DLGAP1: variants seen among roughly 807,000 people sequenced by gnomAD.
DLGAP1 encodes disks large-associated protein 1.
A neutral mutation model predicts 90.8 loss-of-function variants in DLGAP1; 11 were observed. That is an observed-to-expected ratio of 0.12 (90% CI 0.08 to 0.20). The LOEUF is 0.20. Among genes scored for constraint, DLGAP1 ranks in the 10% least tolerant of loss-of-function variants. DLGAP1 has a pLI of 1.00. For synonymous variants in DLGAP1, 558 were observed against 540.7 expected, an observed-to-expected ratio of 1.03 and a Z score of -0.44; for missense variants, 1,050 against 1,333.8, an observed-to-expected ratio of 0.79 and a Z score of 3.31.
intron 4 of DLGAP1, among the ~76,000 whole-genome samples, chr18:3,850,676 A>C (rs2069286619): frequency 6.6e-6 from 1 of 152,210 alleles, no homozygotes; most frequent in African/African-American, 2.4e-5. Flanking sequence ...TTCTGTATAT[A>C]GTAGCATGAT....
intron 2 of DLGAP1, among the ~76,000 whole-genome samples, chr18:4,095,990 T>G (rs770278915): frequency 3.3e-5 from 5 of 152,172 alleles, no homozygotes; most frequent in African/African-American, 4.8e-5. Flanking sequence ...TGATGATGAT[T>G]ATTTTTTACC....
chr18:4,223,670 T>C (rs1259928560), intron 1 of DLGAP1, among the ~76,000 whole-genome samples: 1 of 152,190 alleles, frequency 6.6e-6, no homozygotes, highest in Non-Finnish European at 1.5e-5. Flanking sequence ...ATTACTATAA[T>C]TCTGAATGCT....
chr18:3,753,252 G>A (rs1294877109), intron 5 of DLGAP1, among the ~76,000 whole-genome samples: 2 of 152,270 alleles, frequency 1.3e-5, no homozygotes, highest in East Asian at 3.9e-4. Context: ...TTGGGGATAT[G>A]CCCATTGCCC....
At chr18:3,927,746 C>T (rs1040226779) in intron 3 of DLGAP1, among the ~76,000 whole-genome samples, 11 of 152,250 alleles carry the variant, frequency 7.2e-5, no homozygotes, top group Admixed American at 2.6e-4. Flanking sequence ...GATGGAAATA[C>T]CAACATGTGA....
At chr18:3,728,300 T>TTATATATATATATATATATATATA (rs200480157) in intron 7 of DLGAP1, among the ~76,000 whole-genome samples, 8 of 123,648 alleles carry the variant, frequency 6.5e-5, no homozygotes, top group South Asian at 2.6e-4. Flanking sequence ...AACGCAAATG[T>TTATATATATATATATATATATATA]TATATATATA....
chr18:4,129,587 C>A (rs144480162), intron 2 of DLGAP1, among the ~76,000 whole-genome samples: 30 of 152,194 alleles, frequency 2.0e-4, no homozygotes, highest in Non-Finnish European at 3.4e-4. Flanking sequence ...AGGAACACTG[C>A]GACTTTTCCT....
intron 5 of DLGAP1, chr18:3,771,576 T>C (rs940450773): frequency 6.6e-6 from 1 of 152,288 alleles, no homozygotes. Flanking sequence ...ACTGCGGGAC[T>C]TGCATAATAC....
intron 2 of DLGAP1, among the ~76,000 whole-genome samples, chr18:4,071,634 TCTTTCACAATGTA>T (rs1316957855): frequency 6.6e-6 from 1 of 152,180 alleles, no homozygotes; most frequent in Non-Finnish European, 1.5e-5. Flanking sequence ...TAGTGCTTAC[TCTTTCACAATGTA>T]CGATAATGAC....
chr18:4,281,338 G>C (rs2079545096), intron 1 of DLGAP1, among the ~76,000 whole-genome samples: 1 of 152,058 alleles, frequency 6.6e-6, no homozygotes. Context: ...ATCACCTGAG[G>C]AAAGGAGTTC....
intron 1 of DLGAP1, among the ~76,000 whole-genome samples, chr18:4,290,961 A>G (rs373594425): frequency 6.6e-6 from 1 of 152,198 alleles, no homozygotes; most frequent in African/African-American, 2.4e-5. Context: ...AGCATTTGAT[A>G]ACACAAACTG....
chr18:3,505,410 G>A lies in DLGAP1; in HGVS notation c.2572-2765C>T, dbSNP rs559363189. Among the ~76,000 whole-genome samples the A allele has an allele frequency of 1.7e-3, 252 of 152,068 alleles. 2 individuals carry two copies. In the Middle Eastern group the frequency reaches 0.02, roughly 12 times the overall value. ...TCCCAGCACTTTGGAAGGCCGAGGC[G>A]GGAGGATCACAAGGTCAGGAGTTCG... is the stretch of plus-strand genomic sequence containing the variant. On this transcript the variant is annotated intron_variant, in intron 11 of 12. Coordinates refer to ENST00000315677, the MANE Select transcript of DLGAP1 (RefSeq NM_004746.4).
chr18:4,056,550 T>C (rs952908098), intron 2 of DLGAP1, among the ~76,000 whole-genome samples: 4 of 152,158 alleles, frequency 2.6e-5, no homozygotes, highest in Non-Finnish European at 4.4e-5. Context: ...CCTTGGATAG[T>C]ACAATTCCAA....
intron 3 of DLGAP1, among the ~76,000 whole-genome samples, chr18:3,889,894 T>C (rs1304381642): frequency 6.6e-6 from 1 of 152,078 alleles, no homozygotes; most frequent in Non-Finnish European, 1.5e-5. Flanking sequence ...AGAGGGAGTG[T>C]GTGTGGAGGG....
intron 1 of DLGAP1, among the ~76,000 whole-genome samples, chr18:4,436,820 T>G (rs1052569235): frequency 6.6e-6 from 1 of 152,198 alleles, no homozygotes; most frequent in African/African-American, 2.4e-5. Context: ...ATATTTTTCA[T>G]TGGTGTCTAA....
chr18:3,750,532 CCT>C (rs2063455552), intron 5 of DLGAP1, among the ~76,000 whole-genome samples: 1 of 152,094 alleles, frequency 6.6e-6, no homozygotes, highest in East Asian at 1.9e-4. Flanking sequence ...TCAGTTCTTG[CCT>C]CTCTCTCCTT....
chr18:4,052,857 A>G (rs556160767), intron 2 of DLGAP1, among the ~76,000 whole-genome samples: 2 of 152,284 alleles, frequency 1.3e-5, no homozygotes, highest in Admixed American at 6.5e-5. Context: ...GGGTGGAGGC[A>G]AAAAGCCACC....
chr18:3,511,811 C>T (rs557032820), intron 10 of DLGAP1, among the ~76,000 whole-genome samples: 78 of 152,306 alleles, frequency 5.1e-4, no homozygotes, highest in Non-Finnish European at 1.0e-3. Flanking sequence ...CCACTCCTAT[C>T]CCATTCCTTT....
intron 4 of DLGAP1, among the ~76,000 whole-genome samples, chr18:3,834,254 C>T (rs866902940): frequency 5.1e-5 from 7 of 136,632 alleles, no homozygotes; most frequent in African/African-American, 1.7e-4. Flanking sequence ...TGCAGTGAGC[C>T]GAGATCGCGC....
chr18:3,664,127 T>C (rs1012861088), intron 7 of DLGAP1, among the ~76,000 whole-genome samples: 2 of 151,662 alleles, frequency 1.3e-5, no homozygotes, highest in Non-Finnish European at 2.9e-5. Context: ...GGTTTCAAGC[T>C]TGCTTGCTGA....
Sources: gnomAD v4.1 joint callset for allele counts (sites outside exome capture counted in the v4.1 genomes callset) on GRCh38, gnomAD v4.1.1 for gene constraint, MANE v1.5 for transcripts, NCBI Gene and HGNC (gene_info 2026-07-23, HGNC 2026-07-21) for gene names.